ABLIM3: variants seen among roughly 807,000 people sequenced by gnomAD.
ABLIM3 encodes actin-binding LIM protein 3.
Under a neutral mutation model 109.5 loss-of-function variants are expected in ABLIM3, and 61 were observed. The ratio of observed to expected loss-of-function variants is 0.56; its 90% confidence interval spans 0.45 to 0.69. The LOEUF (loss-of-function observed/expected upper bound fraction) is 0.69, where lower values mean the gene tolerates loss of function less well. Ranked by LOEUF, ABLIM3 falls within the 30% of genes least tolerant of loss-of-function variation. The probability of loss-of-function intolerance (pLI) is 0.00; values close to 1 mark genes in which losing one functional copy is unlikely to be tolerated. For missense variants in ABLIM3, 796 were observed against 889.5 expected (o/e 0.89, Z 1.34); for synonymous variants, 300 against 324.8 (o/e 0.92, Z 0.82).
intron 3 of ABLIM3, among the ~76,000 whole-genome samples, chr5:149,186,043 T>A (rs920155747): frequency 1.3e-5 from 2 of 152,178 alleles, no homozygotes; most frequent in Admixed American, 1.3e-4. Context: ...AAAAAAATAT[T>A]CTCAGCATAT....
At chr5:149,203,629 C>T (rs982166257) in intron 5 of ABLIM3, among the ~76,000 whole-genome samples, 1 of 152,022 alleles carries the variant, frequency 6.6e-6, no homozygotes. Flanking sequence ...ATCACCACCA[C>T]CTTCGCCAAC....
At position 149,246,608 on chromosome 5, in the gene ABLIM3, A is replaced by G; in HGVS notation, c.1551+62A>G. Reference sequence around the variant, plus strand: ...AGCGTATATCACTGAGGGTCTTTTCATTTACAAGCAACAAAAAACAGATTC... The same window carrying G: ...AGCGTATATCACTGAGGGTCTTTTCGTTTACAAGCAACAAAAAACAGATTC... On this transcript the variant is annotated intron_variant, in intron 17 of 23. Coordinates refer to ENST00000309868, the MANE Select transcript of ABLIM3 (RefSeq NM_014945.5). The G allele has an allele frequency of 3.9e-6, 6 of 1,535,810 alleles. No individual in the cohort carries two copies. In the South Asian group the frequency reaches 4.9e-5, roughly 12 times the overall value.
chr5:149,225,256 A>G (rs1280473051), intron 8 of ABLIM3, among the ~76,000 whole-genome samples: 1 of 129,556 alleles, frequency 7.7e-6, no homozygotes, highest in Non-Finnish European at 1.8e-5. Context: ...CTAGTTCCAA[A>G]TCATTTTCAT....
intron 6 of ABLIM3, among the ~76,000 whole-genome samples, chr5:149,208,328 G>T (rs1259351658): frequency 6.7e-6 from 1 of 149,446 alleles, no homozygotes; most frequent in African/African-American, 2.5e-5. Flanking sequence ...AGAAGTCTCT[G>T]TCTTTCTCTA....
rs555038402 is a variant in ABLIM3, at chr5:149,179,711, A to T, written c.14-3741A>T. Among the ~76,000 whole-genome samples, 74 of 151,806 alleles carry T rather than the reference A, an allele frequency of 4.9e-4. 1 individual carries two copies. The South Asian group carries it at 8.7e-3, about 18-fold the overall frequency. ...TTTTGTTGTTGTTGTTGTTGTTTTT[A>T]ACTATCAGGCTGTACTGTCATTATG... On this transcript the variant is annotated intron_variant, in intron 2 of 23. Coordinates refer to ENST00000309868, the MANE Select transcript of ABLIM3 (RefSeq NM_014945.5).
In ABLIM3 at chr5:149,259,138, C is replaced by T; in HGVS notation, c.*734C>T. 3.0e-6 allele frequency: 3 copies of T among 1,016,434 alleles called. No homozygotes were observed. The highest frequency in any genetic ancestry group is 3.5e-6 in the Non-Finnish European group (3 of 849,556). The allele number at this position is 1,016,434 out of a possible 1,614,324, so 63.0% of individuals were successfully genotyped here. A position where few individuals can be genotyped will look rare whatever the true frequency, so the allele number is the denominator to read the frequency against. On this transcript the variant is annotated 3_prime_UTR_variant, in exon 24 of 24. Coordinates refer to ENST00000309868, the MANE Select transcript of ABLIM3 (RefSeq NM_014945.5). ...AACTGGCCCCTTTGCCTGACCTGGA[C>T]TTGGAGAACCAGAGGAAAAGAGAGG...
chr5:149,244,502 G>C (rs1753161262), intron 15 of ABLIM3: 1 of 215,320 alleles, frequency 4.6e-6, no homozygotes, highest in East Asian at 9.5e-5. Context: ...CTAAAGGGCT[G>C]GGGCTCACCT....
At chr5:149,250,850 G>C (rs1753852995) in intron 20 of ABLIM3, among the ~76,000 whole-genome samples, 1 of 152,214 alleles carries the variant, frequency 6.6e-6, no homozygotes, top group Non-Finnish European at 1.5e-5. Flanking sequence ...GCACAGAGAA[G>C]TGAGGTGACT....
intron 23 of ABLIM3, among the ~76,000 whole-genome samples, chr5:149,255,555 A>G (rs1754353850): frequency 6.6e-6 from 1 of 152,214 alleles, no homozygotes; most frequent in Non-Finnish European, 1.5e-5. Context: ...TTTAAATAGC[A>G]TCATCAGATT....
chr5:149,187,604 G>A (rs954393413), intron 3 of ABLIM3, among the ~76,000 whole-genome samples: 2 of 152,182 alleles, frequency 1.3e-5, no homozygotes, highest in Non-Finnish European at 2.9e-5. Flanking sequence ...ACGTTAGTAT[G>A]TTCAATTCTT....
chr5:149,142,125 C>G lies in ABLIM3; in HGVS notation c.13+17C>G. On this transcript the variant is annotated intron_variant, in intron 2 of 23. Transcript: ENST00000309868. Reference sequence around the variant, plus strand: ...ACACTAGCAGTAAGTGGATCCTCCTCTCCTTTGCCATGGGAACAGGGGTGG... The same window carrying G: ...ACACTAGCAGTAAGTGGATCCTCCTGTCCTTTGCCATGGGAACAGGGGTGG... 6.2e-7 allele frequency: 1 copy of G among 1,612,076 alleles called. No individual in the cohort carries two copies. Among genetic ancestry groups the G allele is most frequent in the Non-Finnish European group, 8.5e-7 (1 of 1,178,476 alleles).
intron 2 of ABLIM3, among the ~76,000 whole-genome samples, chr5:149,153,512 GA>G (rs981755597): frequency 7.2e-5 from 11 of 152,144 alleles, no homozygotes; most frequent in Non-Finnish European, 1.6e-4. Context: ...CGGCCTACAG[GA>G]AAAAATGTGA....
intron 10 of ABLIM3, among the ~76,000 whole-genome samples, chr5:149,234,232 G>T (rs916884871): frequency 3.9e-5 from 6 of 152,200 alleles, no homozygotes; most frequent in Non-Finnish European, 7.3e-5. Context: ...AAAGCAGAGG[G>T]ATAAACAGAA....
At chr5:149,226,637 C>G (rs908726261) in intron 8 of ABLIM3, among the ~76,000 whole-genome samples, 9 of 152,156 alleles carry the variant, frequency 5.9e-5, no homozygotes, top group African/African-American at 2.2e-4. Flanking sequence ...ATCTAAAAAC[C>G]TTCAGACTCA....
chr5:149,160,322 G>A (rs1224445622), intron 2 of ABLIM3, among the ~76,000 whole-genome samples: 1 of 152,072 alleles, frequency 6.6e-6, no homozygotes, highest in Admixed American at 6.5e-5. Context: ...AGCCAGGCAT[G>A]TTGGTGCACG....
intron 19 of ABLIM3, 103 bp from the exon 20 acceptor site, chr5:149,250,344 T>A: frequency 8.3e-7 from 1 of 1,203,596 alleles, no homozygotes; most frequent in Non-Finnish European, 1.2e-6. Flanking sequence ...CACCCCTTCC[T>A]GCTAGGTTGG....
At chr5:149,206,458 G>A (rs1238367902) in intron 5 of ABLIM3, among the ~76,000 whole-genome samples, 1 of 152,216 alleles carries the variant, frequency 6.6e-6, no homozygotes, top group Non-Finnish European at 1.5e-5. Context: ...GCTGAGCACT[G>A]TGCTAGGCAA....
chr5:149,252,488 G>T, intron 22 of ABLIM3: 5 of 550,026 alleles, frequency 9.1e-6, no homozygotes, highest in Non-Finnish European at 1.6e-5. Context: ...CATTCGGGAG[G>T]TCATGTGCCC....
In ABLIM3 at chr5:149,198,452, G is replaced by C. The variant is rs867501685; in HGVS notation, c.335+50G>C. Reference sequence around the variant, plus strand: ...GGGACCCTCTGCATAAGCCCCCGGGGCAGGGGAAGACCTGGCTTTTTCCAG... The same window carrying C: ...GGGACCCTCTGCATAAGCCCCCGGGCCAGGGGAAGACCTGGCTTTTTCCAG... On this transcript the variant is annotated intron_variant, in intron 4 of 23. Transcript: ENST00000309868. This position sits in a 1 kb window ranked among gnomAD's most constrained non-coding sequence, Gnocchi z 4.2. 6.5e-7 allele frequency: 1 copy of C among 1,530,476 alleles called. No homozygotes were observed. The highest frequency in any genetic ancestry group is 8.8e-7 in the Non-Finnish European group (1 of 1,141,128). The allele number at this position is 1,530,476 out of a possible 1,614,324, so 94.8% of individuals were successfully genotyped here.
Sources: gnomAD v4.1 joint callset for allele counts (sites outside exome capture counted in the v4.1 genomes callset) on GRCh38, gnomAD v4.1.1 for gene constraint, Gnocchi (gnomAD v3.1) non-coding constraint, MANE v1.5 for transcripts, NCBI Gene and HGNC (gene_info 2026-07-23, HGNC 2026-07-21) for gene names.